MAN2A1: variants seen among roughly 807,000 people sequenced by gnomAD.
The protein encoded by MAN2A1 is mannosidase alpha class 2A member 1.
A neutral mutation model predicts 142.6 loss-of-function variants in MAN2A1; 76 were observed. The observed-to-expected ratio is 0.53, with a 90% CI of 0.44 to 0.65. The LOEUF is 0.65. Ranked by LOEUF, MAN2A1 falls within the 30% of genes least tolerant of loss-of-function variation. The pLI is 0.00. For missense variants in MAN2A1, 1,311 were observed against 1,365.1 expected, an observed-to-expected ratio of 0.96 and a Z score of 0.62; for synonymous variants, 559 against 473.2, an observed-to-expected ratio of 1.18 and a Z score of -2.35.
chr5:109,746,753 T>C (rs1404866912), intron 4 of MAN2A1, among the ~76,000 whole-genome samples: 1 of 152,164 alleles, frequency 6.6e-6, no homozygotes, highest in African/African-American at 2.4e-5. Context: ...ACTTTGTACC[T>C]GTTGAACAGT....
chr5:109,765,963 T>C (rs757142071), intron 5 of MAN2A1, among the ~76,000 whole-genome samples: 18 of 152,122 alleles, frequency 1.2e-4, no homozygotes, highest in Non-Finnish European at 2.6e-4. Flanking sequence ...AGGTTTTTTT[T>C]TCTTTGTAAA....
intron 3 of MAN2A1, among the ~76,000 whole-genome samples, chr5:109,720,042 G>A (rs572931913): frequency 7.2e-5 from 11 of 152,234 alleles, no homozygotes; most frequent in African/African-American, 2.4e-4. Context: ...TATTTAATAA[G>A]CTGATTAAAA....
Position 109,819,874 on chromosome 5 carries a change from CTG to C in MAN2A1, c.2316_2317del (p.Gly773ThrfsTer8), listed in dbSNP as rs1754576501. 1 of 1,587,612 alleles carries C rather than the reference CTG, an allele frequency of 6.3e-7. No individual in the cohort carries two copies. On this transcript the variant is annotated frameshift_variant, in exon 14 of 22. Coordinates refer to ENST00000261483, the MANE Select transcript of MAN2A1 (RefSeq NM_002372.4). LOFTEE classifies it high-confidence loss of function. ...TTTGTTTTACTTCGGTTTGATCAAA[CTG>C]GACTTATGAAGGTATGTTCTGAATA...
intron 3 of MAN2A1, 121 bp downstream of exon 3, chr5:109,716,385 A>C (rs17638392): frequency 2.8e-6 from 2 of 709,462 alleles, no homozygotes; most frequent in Non-Finnish European, 4.6e-6. Context: ...CTGACTTTTA[A>C]CATTAATATA....
At chr5:109,775,916 T>G (rs1005146159) in intron 8 of MAN2A1, among the ~76,000 whole-genome samples, 57 of 152,098 alleles carry the variant, frequency 3.7e-4, no homozygotes, top group African/African-American at 1.3e-3. Context: ...ACAAAATTGA[T>G]TTTTTATTGA....
chr5:109,708,080 C>A (rs146767687), intron 1 of MAN2A1, among the ~76,000 whole-genome samples: 1 of 151,986 alleles, frequency 6.6e-6, no homozygotes, highest in East Asian at 1.9e-4. Context: ...AAGAAGCTAA[C>A]CTTGAGGTGC....
intron 3 of MAN2A1, among the ~76,000 whole-genome samples, chr5:109,723,780 C>T (rs899691353): frequency 6.6e-6 from 1 of 152,200 alleles, no homozygotes; most frequent in Non-Finnish European, 1.5e-5. Flanking sequence ...TAACCAACTT[C>T]CTGTCTTTTC....
At chr5:109,854,847 A>C (rs1755566250) in intron 19 of MAN2A1, 1 of 225,996 alleles carries the variant, frequency 4.4e-6, no homozygotes. Context: ...ATTTTCATAA[A>C]AAGGTATGCC....
intron 1 of MAN2A1, 112 bp downstream of exon 1, chr5:109,690,664 G>C: frequency 8.2e-7 from 1 of 1,220,506 alleles, no homozygotes; most frequent in Non-Finnish European, 1.1e-6. Flanking sequence ...CCCGTGCTGG[G>C]CGAGGCCAGG....
In MAN2A1 at chr5:109,770,205, G is replaced by A. The variant is rs115769289; in HGVS notation, c.1010-150G>A. ...TTCAGACAGGTGGCCATTAAATACC[G>A]CTGGGGTATATGTACTGGAAGTTAA... On this transcript the variant is annotated intron_variant, in intron 6 of 21. Coordinates refer to ENST00000261483, the MANE Select transcript of MAN2A1 (RefSeq NM_002372.4). 4.8e-3 allele frequency: 3,043 copies of A among 635,368 alleles called. 58 individuals are homozygous for A. The African/African-American group carries it at 0.05, about 10-fold the overall frequency. 39.4% of individuals were successfully genotyped at this position (635,368 alleles called of 1,614,324 possible). A position where few individuals can be genotyped will look rare whatever the true frequency, so the allele number is the denominator to read the frequency against.
At chr5:109,718,886 C>G (rs937860448) in intron 3 of MAN2A1, among the ~76,000 whole-genome samples, 2 of 151,374 alleles carry the variant, frequency 1.3e-5, no homozygotes, top group Admixed American at 1.3e-4. Context: ...GAATCTGACT[C>G]TTCAAACTAG....
chr5:109,859,461 C>A (rs923800480), intron 20 of MAN2A1, among the ~76,000 whole-genome samples: 1 of 152,330 alleles, frequency 6.6e-6, no homozygotes, highest in Non-Finnish European at 1.5e-5. Flanking sequence ...CAGCATGCTG[C>A]GTGGCCTTGC....
chr5:109,861,704 A>G (rs1396084053), intron 20 of MAN2A1, among the ~76,000 whole-genome samples: 1 of 152,220 alleles, frequency 6.6e-6, no homozygotes, highest in African/African-American at 2.4e-5. Context: ...TCCTGGGAGC[A>G]CGCTCAGGTG....
chr5:109,698,811 A>C (rs1163456947), intron 1 of MAN2A1, among the ~76,000 whole-genome samples: 1 of 152,172 alleles, frequency 6.6e-6, no homozygotes, highest in Non-Finnish European at 1.5e-5. Context: ...GCACATAGAA[A>C]TAATTCAAAT....
intron 20 of MAN2A1, among the ~76,000 whole-genome samples, chr5:109,855,949 A>C (rs1418562212): frequency 1.3e-5 from 2 of 152,192 alleles, no homozygotes; most frequent in African/African-American, 4.8e-5. Context: ...GCAAATTGAC[A>C]TAGATTTAGC....
chr5:109,721,438 T>TTG (rs927434442), intron 3 of MAN2A1, among the ~76,000 whole-genome samples: 16 of 151,940 alleles, frequency 1.1e-4, no homozygotes, highest in African/African-American at 3.9e-4. Context: ...AATGAATAGT[T>TTG]TGTGTGTGTG....
intron 5 of MAN2A1, 150 bp downstream of exon 5, chr5:109,755,606 T>G (rs1023165864): frequency 6.3e-6 from 4 of 630,762 alleles, no homozygotes; most frequent in Middle Eastern, 4.4e-4. Context: ...TGATATTTCT[T>G]AGCTCATAAA....
intron 5 of MAN2A1, among the ~76,000 whole-genome samples, chr5:109,757,106 A>AT (rs1253913152): frequency 1.2e-4 from 18 of 151,592 alleles, no homozygotes; most frequent in Admixed American, 5.9e-4. Flanking sequence ...CCTTTTGCAG[A>AT]TTTTTTTTTC....
intron 4 of MAN2A1, among the ~76,000 whole-genome samples, chr5:109,743,646 A>T (rs1006227174): frequency 1.2e-4 from 18 of 152,100 alleles, no homozygotes; most frequent in African/African-American, 4.1e-4. Flanking sequence ...CTGCCTCTTC[A>T]GTGTCTCCAG....
Sources: allele counts gnomAD v4.1 joint callset (sites outside exome capture counted in the v4.1 genomes callset), GRCh38; gene constraint gnomAD v4.1.1; transcripts MANE v1.5; gene names NCBI Gene and HGNC (gene_info 2026-07-23, HGNC 2026-07-21).